CCSER1: variants seen among roughly 807,000 people sequenced by gnomAD.
CCSER1 encodes serine-rich coiled-coil domain-containing protein 1.
A neutral mutation model predicts 82.0 loss-of-function variants in CCSER1; 41 were observed. The observed-to-expected ratio is 0.50, with a 90% CI of 0.39 to 0.65. The LOEUF is 0.65. Among genes scored for constraint, CCSER1 ranks in the 30% least tolerant of loss-of-function variants. The pLI is 0.00. For missense variants in CCSER1, 1,119 were observed against 1,064.2 expected, an observed-to-expected ratio of 1.05 and a Z score of -0.72; for synonymous variants, 414 against 383.9, an observed-to-expected ratio of 1.08 and a Z score of -0.92.
chr4:90,428,288 A>C (rs1180097086), intron 4 of CCSER1, among the ~76,000 whole-genome samples: 1 of 151,838 alleles, frequency 6.6e-6, no homozygotes, highest in Non-Finnish European at 1.5e-5. Flanking sequence ...AAAGAAAGAA[A>C]TACTTTGATG....
intron 10 of CCSER1, among the ~76,000 whole-genome samples, chr4:91,151,668 G>A (rs1730219159): frequency 6.6e-6 from 1 of 152,152 alleles, no homozygotes; most frequent in Non-Finnish European, 1.5e-5. Flanking sequence ...ATTCTGGTAT[G>A]TTGTGTCTTT....
At chr4:90,732,998 G>A (rs925770661) in intron 7 of CCSER1, among the ~76,000 whole-genome samples, 4 of 152,184 alleles carry the variant, frequency 2.6e-5, no homozygotes, top group African/African-American at 9.7e-5. Flanking sequence ...ACATGGGAGT[G>A]CAGATATCTC....
At chr4:90,912,433 T>C (rs935828750) in intron 8 of CCSER1, among the ~76,000 whole-genome samples, 1 of 152,158 alleles carries the variant, frequency 6.6e-6, no homozygotes, top group Non-Finnish European at 1.5e-5. Context: ...GGGTGCTGAC[T>C]GTTAGAAGGA....
At chr4:90,246,416 C>T (rs1721409047) in intron 1 of CCSER1, among the ~76,000 whole-genome samples, 3 of 152,078 alleles carry the variant, frequency 2.0e-5, no homozygotes, top group South Asian at 4.1e-4. Flanking sequence ...CATTTTTATA[C>T]AATTCCTCTT....
chr4:91,376,744 A>G (rs1411907686), intron 10 of CCSER1, among the ~76,000 whole-genome samples: 1 of 152,070 alleles, frequency 6.6e-6, no homozygotes, highest in Non-Finnish European at 1.5e-5. Flanking sequence ...ATTTTTACAA[A>G]GTAAACGTTT....
chr4:90,829,857 A>AT (rs996980605), intron 8 of CCSER1, among the ~76,000 whole-genome samples: 43 of 152,274 alleles, frequency 2.8e-4, no homozygotes, highest in Middle Eastern at 3.4e-3. Context: ...ACCTTTTGGA[A>AT]TTGAGCACAT....
intron 6 of CCSER1, chr4:90,664,047 AT>A (rs759866302): frequency 8.0e-4 from 131 of 164,764 alleles, no homozygotes; most frequent in Non-Finnish European, 1.2e-3. Flanking sequence ...TACAAAAAAA[AT>A]CTCTACTTAG....
At chr4:91,563,099 C>T (rs1456815805) in intron 10 of CCSER1, among the ~76,000 whole-genome samples, 1 of 151,504 alleles carries the variant, frequency 6.6e-6, no homozygotes, top group East Asian at 1.9e-4. Context: ...TTAAGTTCTA[C>T]CAAACATTTA....
At chr4:91,224,173 C>A (rs1193532701) in intron 10 of CCSER1, among the ~76,000 whole-genome samples, 1 of 151,850 alleles carries the variant, frequency 6.6e-6, no homozygotes, top group Non-Finnish European at 1.5e-5. Flanking sequence ...GCTTAGAAAG[C>A]AAATTCGCTA....
At chr4:90,449,565 C>A (rs993847828) in intron 4 of CCSER1, among the ~76,000 whole-genome samples, 1 of 152,182 alleles carries the variant, frequency 6.6e-6, no homozygotes, top group Admixed American at 6.5e-5. Flanking sequence ...TGTGAGCTGC[C>A]CACAACCCTT....
At chr4:90,671,311 A>T (rs145532254) in intron 6 of CCSER1, among the ~76,000 whole-genome samples, 3 of 152,202 alleles carry the variant, frequency 2.0e-5, no homozygotes, top group Non-Finnish European at 2.9e-5. Context: ...TACCCAGAGT[A>T]GAACTTTGAA....
At chr4:90,472,700 A>G (rs1764554899) in intron 5 of CCSER1, among the ~76,000 whole-genome samples, 1 of 152,216 alleles carries the variant, frequency 6.6e-6, no homozygotes, top group South Asian at 2.1e-4. Context: ...AAAAAATAGA[A>G]TAATCTATGT....
chr4:91,264,814 G>T lies in CCSER1; in HGVS notation c.2217+178820G>T, dbSNP rs925289906. ...GTTTTATCTCTGTCCTCATGATTGT[G>T]GTTTGTGAAAGAAAAATCTGATTAT... On this transcript the variant is annotated intron_variant, in intron 10 of 10. Transcript: ENST00000509176. 2.0e-5 allele frequency among the ~76,000 whole-genome samples: 3 copies of T among 151,832 alleles called. No homozygotes were observed. In the East Asian group the frequency reaches 5.8e-4, roughly 29 times the overall value.
In CCSER1 at chr4:90,309,278, A is replaced by G. The variant is rs1487594091; in HGVS notation, c.994A>G (p.Thr332Ala). 2.5e-6 allele frequency: 4 copies of G among 1,613,886 alleles called. No individual in the cohort carries two copies. Among genetic ancestry groups the G allele is most frequent in the Non-Finnish European group, 2.5e-6 (3 of 1,179,812 alleles). Residue 332 changes from threonine (T) to alanine (A), a missense_variant, in exon 2 of 11, where the codon ACT becomes GCT. Transcript: ENST00000509176. ...GKYRLEGQCSTESNSLPETSA... is the reference protein window; with the variant it reads ...GKYRLEGQCSAESNSLPETSA... ...ATATAGGTTAGAGGGTCAATGTAGC[A>G]CTGAATCTAATTCATTACCGGAAAC...
At chr4:91,146,133 T>C (rs1729512928) in intron 10 of CCSER1, among the ~76,000 whole-genome samples, 1 of 152,208 alleles carries the variant, frequency 6.6e-6, no homozygotes, top group Non-Finnish European at 1.5e-5. Context: ...AAAATTATTA[T>C]TTTTATGTTC....
chr4:90,967,181 C>T (rs1581224721), intron 9 of CCSER1, among the ~76,000 whole-genome samples: 2 of 151,962 alleles, frequency 1.3e-5, no homozygotes, highest in East Asian at 1.9e-4. Flanking sequence ...GGTGTGGTGG[C>T]TCATGCTTGT....
Position 91,604,675 on chromosome 4 carries a change from A to G in CCSER1, c.*5618A>G, listed in dbSNP as rs187868977. ...ATCAAATTCCTGTTTGTATTGCCTT[A>G]TACATACTTAAAAAACAAGATATTT... is the stretch of plus-strand genomic sequence containing the variant. On this transcript the variant is annotated 3_prime_UTR_variant, in exon 11 of 11. Coordinates refer to ENST00000509176, the MANE Select transcript of CCSER1 (RefSeq NM_001145065.2). 1 of 152,210 alleles carries G rather than the reference A, an allele frequency of 6.6e-6. No individual in the cohort carries two copies. The highest frequency in any genetic ancestry group is 1.9e-4 in the East Asian group (1 of 5,184). The allele number at this position is 152,210 out of a possible 1,614,324, so 9.4% of individuals were successfully genotyped here. A position where few individuals can be genotyped will look rare whatever the true frequency, so the allele number is the denominator to read the frequency against.
intron 8 of CCSER1, among the ~76,000 whole-genome samples, chr4:90,891,146 AAAT>A (rs967023323): frequency 2.6e-5 from 4 of 151,860 alleles, no homozygotes; most frequent in African/African-American, 9.7e-5. Flanking sequence ...CAGAAAAAGC[AAAT>A]AATAAAAATA....
intron 1 of CCSER1, among the ~76,000 whole-genome samples, chr4:90,306,539 T>C (rs1457306194): frequency 1.3e-5 from 2 of 152,200 alleles, no homozygotes; most frequent in Non-Finnish European, 2.9e-5. Context: ...TCAAAAATCT[T>C]ATAATACAAA....
Sources: gnomAD v4.1 joint callset for allele counts (sites outside exome capture counted in the v4.1 genomes callset) on GRCh38, gnomAD v4.1.1 for gene constraint, MANE v1.5 for transcripts, NCBI Gene and HGNC (gene_info 2026-07-23, HGNC 2026-07-21) for gene names.